Variants in NRG3 observed in about 807,000 individuals in gnomAD.
NRG3 encodes neuregulin 3, also known as pro-neuregulin-3, membrane-bound isoform.
Under a neutral mutation model 66.9 loss-of-function variants are expected in NRG3, and 31 were observed. That is an observed-to-expected ratio of 0.46 (90% confidence interval 0.35 to 0.63). NRG3 has a LOEUF of 0.63. Among genes scored for constraint, NRG3 ranks in the 20% least tolerant of loss-of-function variants. NRG3 has a pLI of 0.00. For missense variants in NRG3, 910 were observed against 878.9 expected, an observed-to-expected ratio of 1.04 and a Z score of -0.45; for synonymous variants, 393 against 359.4, an observed-to-expected ratio of 1.09 and a Z score of -1.06.
chr10:82,373,192 A>T (rs1291029884), intron 2 of NRG3, among the ~76,000 whole-genome samples: 1 of 152,248 alleles, frequency 6.6e-6, no homozygotes, highest in East Asian at 1.9e-4. Flanking sequence ...ACACATGCAT[A>T]CAGCAGAGAT....
intron 1 of NRG3, among the ~76,000 whole-genome samples, chr10:82,044,533 T>C (rs2063182674): frequency 6.6e-6 from 1 of 152,106 alleles, no homozygotes; most frequent in Middle Eastern, 3.4e-3. Flanking sequence ...AAATCAGTGT[T>C]TTTCCCCCAT....
intron 1 of NRG3, among the ~76,000 whole-genome samples, chr10:82,238,192 C>A (rs984120139): frequency 3.3e-5 from 5 of 151,956 alleles, no homozygotes; most frequent in Non-Finnish European, 7.4e-5. Flanking sequence ...ATGAATATTC[C>A]TTTTGTAGTG....
At chr10:82,973,742 C>T (rs1851987230) in intron 6 of NRG3, 46 bp from the exon 7 acceptor site, 1 of 1,610,718 alleles carries the variant, frequency 6.2e-7, no homozygotes, top group Non-Finnish European at 8.5e-7. Flanking sequence ...ATAGGCCCTC[C>T]ATAATGTATC....
chr10:81,920,280 C>G (rs1284622144), intron 1 of NRG3, among the ~76,000 whole-genome samples: 1 of 152,162 alleles, frequency 6.6e-6, no homozygotes, highest in African/African-American at 2.4e-5. Flanking sequence ...AGTCAATGCT[C>G]CTCACCCTTA....
rs576847926 is a variant in NRG3, at chr10:82,504,849, T to A, written c.953+145981T>A. On this transcript the variant is annotated intron_variant, in intron 2 of 8. Transcript: ENST00000372141. ...AATGAATAAATGATAATTCTACCCCTCTATACATCACACTTTTTTTTACTT... is the reference window on the plus strand; with the variant it reads ...AATGAATAAATGATAATTCTACCCCACTATACATCACACTTTTTTTTACTT... Among the ~76,000 whole-genome samples the A allele has an allele frequency of 5.4e-4, 82 of 152,076 alleles. 1 individual carries two copies. Among genetic ancestry groups the A allele is most frequent in the Admixed American group, 2.7e-3 (41 of 15,272 alleles).
Position 82,103,881 on chromosome 10 carries a change from A to T in NRG3, c.823+227718A>T, listed in dbSNP as rs74144147. Among the ~76,000 whole-genome samples the T allele has an allele frequency of 3.0e-3, 451 of 152,194 alleles. 4 individuals carry two copies. Among genetic ancestry groups the T allele is most frequent in the African/African-American group, 0.011 (441 of 41,524 alleles). On this transcript the variant is annotated intron_variant, in intron 1 of 8. Coordinates refer to ENST00000372141, the MANE Select transcript of NRG3 (RefSeq NM_001010848.4). Reference sequence around the variant, plus strand: ...AAAAAAGAAGAGGGAAAAGAAACAAACAAACAAATAAATAAGTAGGGATTC... The same window carrying T: ...AAAAAAGAAGAGGGAAAAGAAACAATCAAACAAATAAATAAGTAGGGATTC...
intron 2 of NRG3, among the ~76,000 whole-genome samples, chr10:82,723,021 G>A (rs1274578067): frequency 6.6e-6 from 1 of 152,122 alleles, no homozygotes; most frequent in Admixed American, 6.5e-5. Flanking sequence ...CCATGCACTT[G>A]CATGTTTATC....
intron 2 of NRG3, among the ~76,000 whole-genome samples, chr10:82,571,363 T>A (rs2045725113): frequency 6.6e-6 from 1 of 151,640 alleles, no homozygotes; most frequent in Non-Finnish European, 1.5e-5. Context: ...AACAAAGCGA[T>A]ATGAGTTTTG....
intron 1 of NRG3, among the ~76,000 whole-genome samples, chr10:82,306,238 G>T (rs1415633111): frequency 6.6e-6 from 1 of 152,048 alleles, no homozygotes; most frequent in African/African-American, 2.4e-5. Context: ...CATTCAGTTT[G>T]CTGATACTTT....
intron 1 of NRG3, among the ~76,000 whole-genome samples, chr10:82,282,011 T>C (rs1316877076): frequency 6.6e-6 from 1 of 152,092 alleles, no homozygotes; most frequent in Non-Finnish European, 1.5e-5. Context: ...CCTAATACTA[T>C]GTATTCCAAG....
At chr10:82,234,437 T>C (rs2076653817) in intron 1 of NRG3, among the ~76,000 whole-genome samples, 1 of 152,188 alleles carries the variant, frequency 6.6e-6, no homozygotes, top group South Asian at 2.1e-4. Context: ...TGTGACCTTA[T>C]TTTGTGTTTT....
At chr10:82,648,366 C>G (rs2051129106) in intron 2 of NRG3, among the ~76,000 whole-genome samples, 1 of 151,888 alleles carries the variant, frequency 6.6e-6, no homozygotes, top group African/African-American at 2.4e-5. Context: ...TGATCTATAT[C>G]TCTGTTTTGG....
At chr10:82,234,706 A>C (rs933852890) in intron 1 of NRG3, among the ~76,000 whole-genome samples, 1 of 152,224 alleles carries the variant, frequency 6.6e-6, no homozygotes. Context: ...CAGCATCGTA[A>C]AAGTTAACTG....
chr10:82,200,201 C>G (rs1589291356), intron 1 of NRG3, among the ~76,000 whole-genome samples: 1 of 152,086 alleles, frequency 6.6e-6, no homozygotes, highest in Admixed American at 6.5e-5. Flanking sequence ...ATAAATTAAT[C>G]TTCAATTATT....
chr10:82,506,883 G>A (rs1376069682), intron 2 of NRG3, among the ~76,000 whole-genome samples: 1 of 152,164 alleles, frequency 6.6e-6, no homozygotes, highest in Non-Finnish European at 1.5e-5. Context: ...TTTCCTGATT[G>A]TAGCTGTGAT....
At chr10:82,347,513 T>G (rs1432356703) in intron 1 of NRG3, among the ~76,000 whole-genome samples, 1 of 151,088 alleles carries the variant, frequency 6.6e-6, no homozygotes, top group Non-Finnish European at 1.5e-5. Flanking sequence ...GGAATAGGTG[T>G]GGTGTGGTGC....
chr10:82,478,634 A>G (rs1342098590), intron 2 of NRG3, among the ~76,000 whole-genome samples: 3 of 24,066 alleles, frequency 1.2e-4, no homozygotes, highest in African/African-American at 2.2e-4. Flanking sequence ...ACAAAATGAA[A>G]AGTCTCCCAT....
At chr10:82,008,534 A>T (rs2061458538) in intron 1 of NRG3, among the ~76,000 whole-genome samples, 1 of 152,172 alleles carries the variant, frequency 6.6e-6, no homozygotes, top group Non-Finnish European at 1.5e-5. Context: ...TTCTCTGGTT[A>T]ATTAGGAAAA....
At chr10:82,348,467 G>GT (rs1468900064) in intron 1 of NRG3, among the ~76,000 whole-genome samples, 2 of 150,588 alleles carry the variant, frequency 1.3e-5, no homozygotes, top group South Asian at 4.2e-4. Context: ...CCCTTTGAGG[G>GT]TAACCTGACC....
Sources: gnomAD v4.1 joint callset for allele counts (sites outside exome capture counted in the v4.1 genomes callset) on GRCh38, gnomAD v4.1.1 for gene constraint, MANE v1.5 for transcripts, NCBI Gene and HGNC (gene_info 2026-07-23, HGNC 2026-07-21) for gene names.